ZFP1: variants seen among roughly 807,000 people sequenced by gnomAD.
The protein encoded by ZFP1 is zinc finger protein 1 homolog.
In ZFP1, 32 loss-of-function variants were observed where a neutral mutation model predicts 38.5. The ratio of observed to expected loss-of-function variants is 0.83; its 90% confidence interval spans 0.63 to 1.12. ZFP1 has a LOEUF of 1.12. ZFP1 is among the 50% of genes most tolerant of loss of function. ZFP1 has a pLI of 0.00. For missense variants in ZFP1, 616 were observed against 480.8 expected, an observed-to-expected ratio of 1.28 and a Z score of -2.63; for synonymous variants, 245 against 168.8, an observed-to-expected ratio of 1.45 and a Z score of -3.50.
chr16:75,121,521 C>T, the ZFP1 span, among the ~76,000 whole-genome samples: 1 of 152,138 alleles, frequency 6.6e-6, no homozygotes, highest in South Asian at 2.1e-4. Flanking sequence ...GTAAATTTTG[C>T]TATTTGATTT....
intron 2 of ZFP1, among the ~76,000 whole-genome samples, chr16:75,163,442 G>T (rs2037893127): frequency 6.6e-6 from 1 of 151,872 alleles, no homozygotes; most frequent in South Asian, 2.1e-4. Context: ...CTCCTGAGTA[G>T]CTGAGACTAC....
rs1282026801 is a variant in ZFP1 at position 75,169,448 on chromosome 16, T to G, written c.338T>G (p.Leu113Trp). The G allele has an allele frequency of 1.2e-6, 2 of 1,612,808 alleles. No homozygotes were observed. Among genetic ancestry groups the G allele is most frequent in the Non-Finnish European group, 1.7e-6 (2 of 1,179,698 alleles). ...PYKYDLYEKTLKYNSDLLNSN... is the reference protein window; with the variant it reads ...PYKYDLYEKTWKYNSDLLNSN... Reference sequence around the variant, plus strand: ...AAATATGACTTATATGAAAAAACTTTGAAATATAATTCAGACTTGCTTAAT... The same window carrying G: ...AAATATGACTTATATGAAAAAACTTGGAAATATAATTCAGACTTGCTTAAT... The change falls in exon 4 of 4, where the codon TTG becomes TGG. Residue 113 changes from leucine to tryptophan, a missense_variant. Physicochemically the swap from Leu to Trp is moderately conservative, Grantham distance 61 (BLOSUM62 -2). Coordinates refer to ENST00000570010, the MANE Select transcript of ZFP1 (RefSeq NM_153688.4).
chr16:75,126,749 A>T, the ZFP1 span, among the ~76,000 whole-genome samples: 2 of 152,212 alleles, frequency 1.3e-5, no homozygotes, highest in African/African-American at 4.8e-5. Context: ...ATTTTGTAAT[A>T]TCAAGTGTTT....
At chr16:75,152,327 G>T (rs2037246228) in intron 1 of ZFP1, among the ~76,000 whole-genome samples, 1 of 152,104 alleles carries the variant, frequency 6.6e-6, no homozygotes. Context: ...TCAGTTACAT[G>T]TTTATTAGAC....
At chr16:75,162,997 C>T (rs552999533) in intron 2 of ZFP1, among the ~76,000 whole-genome samples, 1 of 151,258 alleles carries the variant, frequency 6.6e-6, no homozygotes, top group East Asian at 2.0e-4. Context: ...GCAAGCTCCG[C>T]CTCCTGGGTT....
At chr16:75,137,631 T>C in the ZFP1 span, among the ~76,000 whole-genome samples, 2 of 150,844 alleles carry the variant, frequency 1.3e-5, no homozygotes, top group Admixed American at 6.6e-5. Flanking sequence ...GCCCGGCTAA[T>C]TTTTTTTTGT....
intron 2 of ZFP1, among the ~76,000 whole-genome samples, chr16:75,155,007 C>T (rs1567526277): frequency 6.6e-6 from 1 of 152,142 alleles, no homozygotes; most frequent in Non-Finnish European, 1.5e-5. Context: ...CCATGTTGGT[C>T]AGGCTGGTCT....
chr16:75,134,750 CAA>C, the ZFP1 span, among the ~76,000 whole-genome samples: 3 of 98,426 alleles, frequency 3.0e-5, no homozygotes, highest in Non-Finnish European at 2.1e-5. Context: ...GTCTCCGCCT[CAA>C]AAAAAAAAAA....
At chr16:75,169,175 C>G in intron 3 of ZFP1, 78 bp from the exon 4 acceptor site, 4 of 1,496,988 alleles carry the variant, frequency 2.7e-6, no homozygotes, top group East Asian at 2.3e-5. Context: ...TGATAGAACA[C>G]GTGTGAAGAC....
upstream of ZFP1, among the ~76,000 whole-genome samples, chr16:75,145,502 A>G (rs2036933169): frequency 6.6e-6 from 1 of 152,146 alleles, no homozygotes. Context: ...GCCTTTTCCA[A>G]GACCATTGTG....
the ZFP1 span, among the ~76,000 whole-genome samples, chr16:75,129,640 T>A: frequency 6.6e-6 from 1 of 152,174 alleles, no homozygotes; most frequent in Non-Finnish European, 1.5e-5. Flanking sequence ...ACAGAACCAA[T>A]GTTCATCTGA....
chr16:75,140,150 C>T, the ZFP1 span, among the ~76,000 whole-genome samples: 1 of 152,028 alleles, frequency 6.6e-6, no homozygotes, highest in Non-Finnish European at 1.5e-5. Context: ...CTCCTGTAAT[C>T]CCAGCTACTC....
At chr16:75,147,789 G>A (rs908557275), upstream of ZFP1, among the ~76,000 whole-genome samples, 2 of 152,168 alleles carry the variant, frequency 1.3e-5, no homozygotes, top group African/African-American at 4.8e-5. Flanking sequence ...ATGGGAAGAT[G>A]GTGGTCAAGG....
the ZFP1 span, among the ~76,000 whole-genome samples, chr16:75,120,841 G>A: frequency 6.6e-6 from 1 of 151,896 alleles, no homozygotes; most frequent in African/African-American, 2.4e-5. Flanking sequence ...TAGCCAGGAT[G>A]GTCTCGATCT....
chr16:75,121,187 CAG>C, the ZFP1 span, among the ~76,000 whole-genome samples: 2 of 148,612 alleles, frequency 1.3e-5, no homozygotes, highest in Admixed American at 6.7e-5. Flanking sequence ...TTTTTTGAGA[CAG>C]AGTCTCGCTG....
intron 2 of ZFP1, among the ~76,000 whole-genome samples, chr16:75,156,195 G>C (rs543306019): frequency 1.3e-5 from 2 of 152,038 alleles, no homozygotes; most frequent in Non-Finnish European, 2.9e-5. Context: ...GGGTCACGCC[G>C]GTAATCCTAG....
the ZFP1 span, among the ~76,000 whole-genome samples, chr16:75,121,472 T>C: frequency 6.6e-6 from 1 of 152,162 alleles, no homozygotes; most frequent in African/African-American, 2.4e-5. Context: ...TTCATCTCCC[T>C]CTGGCACCAT....
chr16:75,160,374 C>T (rs533645955), intron 2 of ZFP1, among the ~76,000 whole-genome samples: 4 of 152,010 alleles, frequency 2.6e-5, no homozygotes, highest in Non-Finnish European at 5.9e-5. Context: ...CTGTACTAAA[C>T]CCCATCTGTA....
At chr16:75,144,532 A>G (rs12716781), upstream of ZFP1, among the ~76,000 whole-genome samples, 2 of 152,038 alleles carry the variant, frequency 1.3e-5, no homozygotes, top group East Asian at 1.9e-4. Context: ...CCATAAGATT[A>G]TAGGTTATGG....
Sources: gnomAD v4.1 joint callset for allele counts (sites outside exome capture counted in the v4.1 genomes callset) on GRCh38, gnomAD v4.1.1 for gene constraint, MANE v1.5 for transcripts, NCBI Gene and HGNC (gene_info 2026-07-23, HGNC 2026-07-21) for gene names.